Variants in ADAMTSL1 observed in about 807,000 individuals in gnomAD.
ADAMTSL1 encodes the protein ADAMTS-like protein 1.
A neutral mutation model predicts 201.8 loss-of-function variants in ADAMTSL1; 126 were observed. The ratio of observed to expected loss-of-function variants is 0.62; its 90% confidence interval spans 0.54 to 0.72. The LOEUF (loss-of-function observed/expected upper bound fraction) is 0.72. Ranked by LOEUF, ADAMTSL1 falls within the 30% of genes least tolerant of loss-of-function variation. ADAMTSL1 has a pLI of 0.00. For missense variants in ADAMTSL1, 2,679 were observed against 2,277.8 expected, an observed-to-expected ratio of 1.18 and a Z score of -3.59; for synonymous variants, 1,121 against 903.4, an observed-to-expected ratio of 1.24 and a Z score of -4.32.
At chr9:18,027,038 T>G (rs1191101050) in intron 1 of ADAMTSL1, among the ~76,000 whole-genome samples, 2 of 152,012 alleles carry the variant, frequency 1.3e-5, no homozygotes, top group Non-Finnish European at 2.9e-5. Flanking sequence ...TATATTTCTG[T>G]GGAATTGGTT....
chr9:18,834,604 C>G (rs994404504), intron 23 of ADAMTSL1, among the ~76,000 whole-genome samples: 1 of 152,058 alleles, frequency 6.6e-6, no homozygotes, highest in Non-Finnish European at 1.5e-5. Flanking sequence ...TACCTCATAT[C>G]CCTTTGTAAT....
intron 1 of ADAMTSL1, among the ~76,000 whole-genome samples, chr9:18,016,524 C>T (rs1247260128): frequency 6.6e-6 from 1 of 151,962 alleles, no homozygotes; most frequent in Non-Finnish European, 1.5e-5. Flanking sequence ...TACCTGATTA[C>T]AGAGACCCTG....
At chr9:17,975,681 A>G (rs1323695513) in intron 1 of ADAMTSL1, among the ~76,000 whole-genome samples, 3 of 152,044 alleles carry the variant, frequency 2.0e-5, no homozygotes, top group African/African-American at 7.2e-5. Flanking sequence ...TCTGTAGGCC[A>G]TTTTGTTGAT....
chr9:18,446,065 T>C (rs1430812521), intron 2 of ADAMTSL1, among the ~76,000 whole-genome samples: 1 of 152,106 alleles, frequency 6.6e-6, no homozygotes, highest in Non-Finnish European at 1.5e-5. Context: ...CCAGATTTCA[T>C]CCCAGAACCC....
chr9:18,886,160 GTATGTGTATATATATATATATA>G (rs1241305595), intron 23 of ADAMTSL1, among the ~76,000 whole-genome samples: 1 of 29,778 alleles, frequency 3.4e-5, no homozygotes, highest in Non-Finnish European at 6.3e-5. Flanking sequence ...ATGTGAGTGT[GTATGTGTATATATATATATATA>G]TATATATATA....
At chr9:18,655,801 G>A (rs1828603888) in intron 7 of ADAMTSL1, among the ~76,000 whole-genome samples, 2 of 69,952 alleles carry the variant, frequency 2.9e-5, no homozygotes, top group African/African-American at 1.2e-4. Context: ...AGGCTTTTGT[G>A]AGCTTAAAAA....
intron 2 of ADAMTSL1, among the ~76,000 whole-genome samples, chr9:18,253,866 G>C (rs547245309): frequency 5.8e-4 from 89 of 152,272 alleles, no homozygotes; most frequent in African/African-American, 2.0e-3. Context: ...AGTGGGACGA[G>C]GCAAGCACCA....
chr9:18,876,911 A>G (rs1459614900), intron 23 of ADAMTSL1, among the ~76,000 whole-genome samples: 1 of 152,222 alleles, frequency 6.6e-6, no homozygotes, highest in African/African-American at 2.4e-5. Context: ...ATCTTTTAAC[A>G]TAATGCCAAA....
intron 2 of ADAMTSL1, among the ~76,000 whole-genome samples, chr9:18,199,223 A>G (rs1829325583): frequency 1.3e-5 from 2 of 152,094 alleles, no homozygotes; most frequent in African/African-American, 2.4e-5. Context: ...ACTAACCTGC[A>G]CAATGTGCAC....
intron 2 of ADAMTSL1, among the ~76,000 whole-genome samples, chr9:18,254,344 G>GGTTTTT (rs1831584615): frequency 1.8e-5 from 1 of 55,088 alleles, no homozygotes; most frequent in Non-Finnish European, 3.8e-5. Context: ...TACTCTTTTT[G>GGTTTTT]GTTTTTTTTT....
At chr9:18,589,928 G>A (rs1259786301) in intron 4 of ADAMTSL1, among the ~76,000 whole-genome samples, 1 of 152,052 alleles carries the variant, frequency 6.6e-6, no homozygotes, top group African/African-American at 2.4e-5. Flanking sequence ...CTTAATCATG[G>A]TGAATGGTCT....
At chr9:18,070,034 C>G (rs1000266778) in intron 1 of ADAMTSL1, among the ~76,000 whole-genome samples, 2 of 152,120 alleles carry the variant, frequency 1.3e-5, no homozygotes, top group Admixed American at 6.5e-5. Context: ...TGCATGAGAT[C>G]TAGAGTAGAC....
chr9:18,681,700 G>GGC lies in ADAMTSL1; in HGVS notation c.1342-111_1342-110insCG, dbSNP rs1194806366. 20 of 673,390 alleles carry GGC rather than the reference G, an allele frequency of 3.0e-5. 1 individual carries two copies. Among genetic ancestry groups the GGC allele is most frequent in the African/African-American group, 7.1e-5 (3 of 42,490 alleles). 41.7% of individuals were successfully genotyped at this position (673,390 alleles called of 1,614,324 possible). On this transcript the variant is annotated intron_variant, in intron 11 of 28. Coordinates refer to ENST00000380548, the MANE Select transcript of ADAMTSL1 (RefSeq NM_001040272.6). The stretch of plus-strand genomic sequence containing the variant: ...AAATTTACCAGGAGTCCTCGTGTGG[G>GGC]GGGGGGGGGCGGGGAAAAAGAAAAC...
In ADAMTSL1 at chr9:18,906,911, C is replaced by G. The variant is rs773144813; in HGVS notation, c.5181C>G (p.Asn1727Lys). 6.2e-7 allele frequency: 1 copy of G among 1,613,906 alleles called. No individual in the cohort carries two copies. Among genetic ancestry groups the G allele is most frequent in the Non-Finnish European group, 8.5e-7 (1 of 1,179,822 alleles). Residue 1727 changes from asparagine (N) to lysine (K), a missense_variant and splice_region_variant, in exon 28 of 29, where the codon AAC (asparagine) becomes AAG (lysine). By Grantham distance (94) the Asn-to-Lys change is moderately conservative. Transcript: ENST00000380548. ...GCTGCAACATCACCCCATGTGAAAA[C>G]AGTATGTTCCAACCCCAAAGAACCT... ...WQRCNITPCE[N>K]MECRDTTRYC...
chr9:18,516,098 A>C (rs953299196), intron 2 of ADAMTSL1, among the ~76,000 whole-genome samples: 1 of 151,674 alleles, frequency 6.6e-6, no homozygotes, highest in Non-Finnish European at 1.5e-5. Flanking sequence ...AAAAAAAAAA[A>C]AAAGAAAGAA....
At chr9:18,547,458 T>C (rs1423691738) in intron 3 of ADAMTSL1, among the ~76,000 whole-genome samples, 2 of 151,878 alleles carry the variant, frequency 1.3e-5, no homozygotes, top group African/African-American at 2.4e-5. Context: ...GCTGATTTCA[T>C]AGGCTTTTTG....
intron 2 of ADAMTSL1, among the ~76,000 whole-genome samples, chr9:18,402,497 C>T (rs1000040383): frequency 1.3e-5 from 2 of 152,188 alleles, no homozygotes; most frequent in African/African-American, 4.8e-5. Flanking sequence ...ATCATTTCCT[C>T]TAAGTCTCTA....
At chr9:18,425,508 G>T (rs1180666490) in intron 2 of ADAMTSL1, among the ~76,000 whole-genome samples, 5 of 152,082 alleles carry the variant, frequency 3.3e-5, no homozygotes, top group African/African-American at 1.2e-4. Context: ...CCGAAACTCT[G>T]GTTAAGTATA....
At chr9:18,011,410 T>G (rs1820043992) in intron 1 of ADAMTSL1, among the ~76,000 whole-genome samples, 1 of 151,976 alleles carries the variant, frequency 6.6e-6, no homozygotes, top group Non-Finnish European at 1.5e-5. Context: ...AGCAATGGTC[T>G]GTTTACCCCC....
Sources: gnomAD v4.1 joint callset for allele counts (sites outside exome capture counted in the v4.1 genomes callset) on GRCh38, gnomAD v4.1.1 for gene constraint, MANE v1.5 for transcripts, NCBI Gene and HGNC (gene_info 2026-07-23, HGNC 2026-07-21) for gene names.